Variants in CTIF observed in about 807,000 individuals in gnomAD.
CTIF encodes cap binding complex dependent translation initiation factor, also known as CBP80/20-dependent translation initiation factor.
In CTIF, 21 loss-of-function variants were observed where a neutral mutation model predicts 66.0. The ratio of observed to expected loss-of-function variants is 0.32; its 90% CI spans 0.23 to 0.46. CTIF has a LOEUF of 0.46. CTIF is among the 20% of genes least tolerant of loss of function. The probability of loss-of-function intolerance (pLI) is 1.00; values close to 1 mark genes in which losing one functional copy is unlikely to be tolerated. For synonymous variants in CTIF, 345 were observed against 326.4 expected (o/e 1.06, Z -0.62); for missense variants, 739 against 812.7 (o/e 0.91, Z 1.10).
chr18:48,749,460 C>T (rs1907582657), intron 7 of CTIF, among the ~76,000 whole-genome samples: 2 of 152,214 alleles, frequency 1.3e-5, no homozygotes, highest in South Asian at 4.1e-4. Flanking sequence ...AGAAGCCAGG[C>T]ATCCTGAGGT....
chr18:48,633,680 C>T lies in CTIF; in HGVS notation c.181-2934C>T, dbSNP rs571275875. Among the ~76,000 whole-genome samples, 23 of 149,400 alleles carry T rather than the reference C, an allele frequency of 1.5e-4. No homozygotes were observed. The South Asian group carries it at 1.7e-3, about 11-fold the overall frequency. On this transcript the variant is annotated intron_variant, in intron 2 of 11. Coordinates refer to ENST00000256413, the MANE Select transcript of CTIF (RefSeq NM_014772.3). ...TTGCGCCACTGCACTCCAGCCTGGG[C>T]GACAGAATGAGCCTCCATCTCAATA...
intron 10 of CTIF, among the ~76,000 whole-genome samples, chr18:48,821,958 T>G (rs1324333289): frequency 6.6e-6 from 1 of 152,228 alleles, no homozygotes; most frequent in African/African-American, 2.4e-5. Context: ...ACTTAAACTT[T>G]CACCCATTGA....
At chr18:48,791,382 C>G (rs779129587) in intron 9 of CTIF, among the ~76,000 whole-genome samples, 12 of 152,214 alleles carry the variant, frequency 7.9e-5, no homozygotes, top group Non-Finnish European at 1.5e-4. Flanking sequence ...TCATTTCCTT[C>G]CTTCTTTAAG....
chr18:48,720,239 T>G (rs1231983816), intron 7 of CTIF, among the ~76,000 whole-genome samples: 1 of 152,162 alleles, frequency 6.6e-6, no homozygotes, highest in Non-Finnish European at 1.5e-5. Flanking sequence ...ATCTTGTTCG[T>G]GTGTGGTGGT....
intron 1 of CTIF, among the ~76,000 whole-genome samples, chr18:48,618,072 G>T (rs2090429708): frequency 6.6e-6 from 1 of 152,228 alleles, no homozygotes; most frequent in Non-Finnish European, 1.5e-5. Context: ...GGCAGTGAGG[G>T]TGTGGGAGAG....
intron 2 of CTIF, among the ~76,000 whole-genome samples, chr18:48,626,549 A>G (rs57709383): frequency 5.8e-4 from 84 of 144,182 alleles, no homozygotes; most frequent in African/African-American, 2.2e-3. Context: ...GAGTTTCACT[A>G]TGTTGGCCAG....
At chr18:48,617,497 C>T (rs1389025663) in intron 1 of CTIF, among the ~76,000 whole-genome samples, 6 of 152,212 alleles carry the variant, frequency 3.9e-5, no homozygotes, top group Non-Finnish European at 8.8e-5. Context: ...CCACACCTAG[C>T]ATGTGCCCAG....
intron 9 of CTIF, among the ~76,000 whole-genome samples, chr18:48,798,865 C>T (rs1487627621): frequency 3.3e-5 from 5 of 152,190 alleles, no homozygotes; most frequent in African/African-American, 4.8e-5. Flanking sequence ...ATAGGGGCTT[C>T]TAGTGGCATT....
At chr18:48,699,943 A>G (rs1419308910) in intron 6 of CTIF, among the ~76,000 whole-genome samples, 3 of 152,210 alleles carry the variant, frequency 2.0e-5, no homozygotes, top group Non-Finnish European at 4.4e-5. Context: ...CAGCTCTCCA[A>G]TTCCACGTGA....
intron 9 of CTIF, among the ~76,000 whole-genome samples, chr18:48,766,025 C>T (rs2145921236): frequency 1.3e-5 from 2 of 150,250 alleles, no homozygotes; most frequent in East Asian, 2.0e-4. Context: ...CATATGTATA[C>T]ATGTGCCATG....
At chr18:48,722,891 G>A (rs1039536229) in intron 7 of CTIF, among the ~76,000 whole-genome samples, 8 of 152,148 alleles carry the variant, frequency 5.3e-5, no homozygotes, top group African/African-American at 1.7e-4. Flanking sequence ...GGTCTTTTTC[G>A]CTAGACTCCC....
chr18:48,852,457 C>A (rs2069227927), intron 10 of CTIF, among the ~76,000 whole-genome samples: 2 of 152,032 alleles, frequency 1.3e-5, no homozygotes, highest in Admixed American at 1.3e-4. Flanking sequence ...ATGAGTCACA[C>A]CCCCCACCTC....
intron 9 of CTIF, among the ~76,000 whole-genome samples, chr18:48,777,837 G>A (rs1323101465): frequency 1.3e-5 from 2 of 152,224 alleles, no homozygotes; most frequent in South Asian, 2.1e-4. Flanking sequence ...GCCATGGGGC[G>A]GTGGGACAGA....
chr18:48,794,889 A>ATG (rs765627020), intron 9 of CTIF, among the ~76,000 whole-genome samples: 2 of 151,742 alleles, frequency 1.3e-5, no homozygotes, highest in African/African-American at 4.8e-5. Flanking sequence ...GGAGGGAGGG[A>ATG]TGTGTGTGTG....
At chr18:48,604,674 T>G (rs2090171417) in intron 1 of CTIF, among the ~76,000 whole-genome samples, 1 of 152,224 alleles carries the variant, frequency 6.6e-6, no homozygotes, top group Non-Finnish European at 1.5e-5. Context: ...AATTTACACA[T>G]TTAAAATATA....
At chr18:48,818,688 C>T (rs1381075293) in intron 10 of CTIF, among the ~76,000 whole-genome samples, 1 of 152,096 alleles carries the variant, frequency 6.6e-6, no homozygotes, top group East Asian at 1.9e-4. Context: ...AGAACCCTCA[C>T]AGCAGCCCTT....
In CTIF at chr18:48,666,108, C is replaced by G. The variant is rs546105944; in HGVS notation, c.431+1557C>G. On this transcript the variant is annotated intron_variant, in intron 5 of 11. Transcript: ENST00000256413. ...TCCAATTTCTCCACATCCCCACCAG[C>G]ACTTGTGTTTTTTTTTCTTTCTTGG... Among the ~76,000 whole-genome samples, 95 of 152,324 alleles carry G rather than the reference C, an allele frequency of 6.2e-4. 1 individual carries two copies. The highest frequency in any genetic ancestry group is 1.2e-3 in the South Asian group (6 of 4,818).
intron 7 of CTIF, among the ~76,000 whole-genome samples, chr18:48,740,835 A>G (rs1273241397): frequency 1.3e-5 from 2 of 152,148 alleles, no homozygotes; most frequent in Non-Finnish European, 2.9e-5. Context: ...GGGTTCTAGA[A>G]ATATTACAGT....
At chr18:48,842,661 A>G (rs2068973463) in intron 10 of CTIF, among the ~76,000 whole-genome samples, 1 of 152,236 alleles carries the variant, frequency 6.6e-6, no homozygotes, top group South Asian at 2.1e-4. Flanking sequence ...CTGATTCTAC[A>G]GGCAAGTTAC....
Sources: allele counts gnomAD v4.1 joint callset (sites outside exome capture counted in the v4.1 genomes callset), GRCh38; gene constraint gnomAD v4.1.1; transcripts MANE v1.5; gene names NCBI Gene and HGNC (gene_info 2026-07-23, HGNC 2026-07-21).